The following XKR4 variants were observed in gnomAD, a reference collection of about 807,000 sequenced individuals.
The protein encoded by XKR4 is XK related 4.
A neutral mutation model predicts 53.9 loss-of-function variants in XKR4; 12 were observed. The observed-to-expected ratio is 0.22, with a 90% confidence interval of 0.14 to 0.36. The LOEUF (loss-of-function observed/expected upper bound fraction) is 0.36. Ranked by LOEUF, XKR4 falls within the 10% of genes least tolerant of loss-of-function variation. The pLI, the probability that XKR4 is intolerant of heterozygous loss-of-function variation, is 1.00. For synonymous variants in XKR4, 354 were observed against 362.4 expected (o/e 0.98, Z 0.26); for missense variants, 799 against 859.5 (o/e 0.93, Z 0.88).
At chr8:55,441,683 T>C (rs1283847359) in intron 2 of XKR4, among the ~76,000 whole-genome samples, 1 of 152,162 alleles carries the variant, frequency 6.6e-6, no homozygotes, top group African/African-American at 2.4e-5. Flanking sequence ...TCTGAAGTTA[T>C]AAATTAATTA....
At chr8:55,210,242 G>A (rs1043739187) in intron 1 of XKR4, among the ~76,000 whole-genome samples, 27 of 151,906 alleles carry the variant, frequency 1.8e-4, no homozygotes, top group Admixed American at 5.2e-4. Context: ...TCGCCACCAC[G>A]CCTGGCTAAT....
intron 1 of XKR4, among the ~76,000 whole-genome samples, chr8:55,290,591 C>A (rs1377950149): frequency 6.6e-6 from 1 of 152,074 alleles, no homozygotes; most frequent in Admixed American, 6.6e-5. Context: ...TGCACCACCC[C>A]CAACAGGCCC....
intron 1 of XKR4, among the ~76,000 whole-genome samples, chr8:55,314,759 A>G (rs1394517922): frequency 6.6e-6 from 1 of 152,164 alleles, no homozygotes; most frequent in Non-Finnish European, 1.5e-5. Flanking sequence ...CACCTCCCCG[A>G]CCTAACTCTT....
chr8:55,264,077 C>A (rs1818567013), intron 1 of XKR4, among the ~76,000 whole-genome samples: 1 of 152,178 alleles, frequency 6.6e-6, no homozygotes, highest in African/African-American at 2.4e-5. Flanking sequence ...GCTCATCTTA[C>A]TGCTGCTATG....
rs1585521921 is a variant in XKR4, at chr8:55,325,987, C to A, written c.807-31691C>A. Among the ~76,000 whole-genome samples the A allele has an allele frequency of 2.0e-5, 3 of 152,148 alleles. No individual in the cohort carries two copies. In the East Asian group the frequency reaches 5.8e-4, roughly 29 times the overall value. ...TAGCATAAATGTGCCAGGGTTTATG[C>A]AATAGAGATAAGGATGAAGTATGGA... On this transcript the variant is annotated intron_variant, in intron 1 of 2. Transcript: ENST00000327381.
chr8:55,400,539 C>A (rs1453784825), intron 2 of XKR4, among the ~76,000 whole-genome samples: 1 of 152,058 alleles, frequency 6.6e-6, no homozygotes, highest in Non-Finnish European at 1.5e-5. Context: ...GGAGGAATCC[C>A]CATGGGGCGG....
At chr8:55,185,953 T>TA (rs372780847) in intron 1 of XKR4, among the ~76,000 whole-genome samples, 1 of 152,200 alleles carries the variant, frequency 6.6e-6, no homozygotes, top group Non-Finnish European at 1.5e-5. Context: ...TACCAAAACC[T>TA]AAAATTGATC....
intron 2 of XKR4, among the ~76,000 whole-genome samples, chr8:55,367,162 A>T (rs950592157): frequency 6.6e-6 from 1 of 152,172 alleles, no homozygotes; most frequent in Non-Finnish European, 1.5e-5. Context: ...ACCGTTCTAC[A>T]TGTGATCACT....
At chr8:55,166,832 C>T (rs998726585) in intron 1 of XKR4, among the ~76,000 whole-genome samples, 1 of 152,168 alleles carries the variant, frequency 6.6e-6, no homozygotes, top group African/African-American at 2.4e-5. Flanking sequence ...AACCCAGTAC[C>T]ATCTGGTGGA....
chr8:55,233,812 A>T (rs1818080041), intron 1 of XKR4, among the ~76,000 whole-genome samples: 1 of 152,262 alleles, frequency 6.6e-6, no homozygotes, highest in Non-Finnish European at 1.5e-5. Context: ...AAGAAAATGC[A>T]GCAAGCACAT....
At chr8:55,462,648 C>A (rs201296032) in intron 2 of XKR4, among the ~76,000 whole-genome samples, 1 of 152,122 alleles carries the variant, frequency 6.6e-6, no homozygotes, top group African/African-American at 2.4e-5. Context: ...TGTAAATGGG[C>A]TAAATGCTCC....
intron 1 of XKR4, among the ~76,000 whole-genome samples, chr8:55,302,328 G>GGGC (rs1251993137): frequency 2.0e-5 from 3 of 151,442 alleles, no homozygotes; most frequent in Admixed American, 2.0e-4. Context: ...TTATTTCTGA[G>GGGC]GGCTCTGTTC....
intron 1 of XKR4, among the ~76,000 whole-genome samples, chr8:55,240,169 T>G (rs150985862): frequency 6.6e-6 from 1 of 152,212 alleles, no homozygotes; most frequent in Admixed American, 6.5e-5. Context: ...GAATTAATCA[T>G]ATCCTTTTCT....
rs191166842 is a variant in XKR4 at position 55,383,113 on chromosome 8, T to C, written c.1006+25236T>C. Among the ~76,000 whole-genome samples, 128 of 152,290 alleles carry C rather than the reference T, an allele frequency of 8.4e-4. No individual in the cohort carries two copies. The Middle Eastern group carries it at 0.01, about 12-fold the overall frequency. ...CTGTAATCCCAGCTACTCAGAAGGC[T>C]GAGGCAGGAGAATCGCTTGAACCTG... On this transcript the variant is annotated intron_variant, in intron 2 of 2. Coordinates refer to ENST00000327381, the MANE Select transcript of XKR4 (RefSeq NM_052898.2).
intron 1 of XKR4, among the ~76,000 whole-genome samples, chr8:55,112,087 C>T (rs1306977654): frequency 6.6e-6 from 1 of 152,168 alleles, no homozygotes; most frequent in Non-Finnish European, 1.5e-5. Context: ...CGATTTTTAA[C>T]CCCATGCCAA....
intron 1 of XKR4, among the ~76,000 whole-genome samples, chr8:55,311,394 G>A (rs189177234): frequency 3.5e-4 from 53 of 152,266 alleles, no homozygotes; most frequent in African/African-American, 1.2e-3. Context: ...AATTAGTCAA[G>A]CAAAATAGGG....
chr8:55,417,793 G>A (rs1461075388), intron 2 of XKR4, among the ~76,000 whole-genome samples: 15 of 152,190 alleles, frequency 9.9e-5, no homozygotes, highest in Non-Finnish European at 1.9e-4. Context: ...AAAAAGTACA[G>A]CACTCTGGGG....
At chr8:55,430,711 C>T (rs1805088435) in intron 2 of XKR4, among the ~76,000 whole-genome samples, 1 of 152,144 alleles carries the variant, frequency 6.6e-6, no homozygotes, top group East Asian at 1.9e-4. Context: ...TCTCACTGTT[C>T]TGGAGTGTGG....
intron 1 of XKR4, among the ~76,000 whole-genome samples, chr8:55,342,483 C>T (rs572510210): frequency 7.9e-5 from 12 of 152,094 alleles, no homozygotes; most frequent in Non-Finnish European, 1.5e-4. Flanking sequence ...TCCCATCTCA[C>T]TCGCACAGTC....
Sources: allele counts gnomAD v4.1 joint callset (sites outside exome capture counted in the v4.1 genomes callset), GRCh38; gene constraint gnomAD v4.1.1; transcripts MANE v1.5; gene names NCBI Gene and HGNC (gene_info 2026-07-23, HGNC 2026-07-21).